Variants in BCOR observed in about 807,000 individuals in gnomAD.
BCOR encodes BCL6 corepressor, also known as BCL-6 corepressor.
Under a neutral mutation model 86.7 loss-of-function variants are expected in BCOR, and 10 were observed. That is an observed-to-expected ratio of 0.12 (90% CI 0.07 to 0.20). The LOEUF is 0.20. BCOR is among the 10% of genes least tolerant of loss of function. The pLI is 1.00. For synonymous variants in BCOR, 611 were observed against 609.0 expected, an observed-to-expected ratio of 1.00 and a Z score of -0.05; for missense variants, 1,259 against 1,452.1, an observed-to-expected ratio of 0.87 and a Z score of 2.16.
At chrX:40,175,515 C>G in intron 1 of BCOR, among the ~76,000 whole-genome samples, 1 of 113,596 alleles carries the variant, frequency 8.8e-6, no homozygotes, top group Non-Finnish European at 1.9e-5. Context: ...CACCCCGATT[C>G]TGTGCACGTA....
chrX:40,078,083 G>A, intron 1 of BCOR, 114 bp from the exon 2 acceptor site: 2 of 509,534 alleles, frequency 3.9e-6, no homozygotes, highest in South Asian at 2.7e-5. Context: ...GGGGAAGGCA[G>A]GCTGTGCCTG....
chrX:40,151,058 C>T (rs1242545720), intron 1 of BCOR, among the ~76,000 whole-genome samples: 1 of 111,514 alleles, frequency 9.0e-6, no homozygotes, highest in Non-Finnish European at 1.9e-5. Context: ...GACCAAGGCC[C>T]AGGAGGGCCT....
chrX:40,149,277 C>T (rs190263456), intron 1 of BCOR, among the ~76,000 whole-genome samples: 38 of 111,354 alleles, frequency 3.4e-4, no homozygotes, highest in Non-Finnish European at 5.8e-4. Context: ...GTCTCAGGCA[C>T]GGCTGGTGAT....
intron 12 of BCOR, 100 bp from the exon 13 acceptor site, chrX:40,054,433 G>A (rs1218174994): frequency 6.5e-6 from 4 of 611,638 alleles, no homozygotes; most frequent in Non-Finnish European, 1.1e-5. Flanking sequence ...TTCATGACAG[G>A]CTGGAAGGTC....
intron 1 of BCOR, among the ~76,000 whole-genome samples, chrX:40,135,727 G>A (rs1489978036): frequency 4.5e-5 from 5 of 111,366 alleles, no homozygotes; most frequent in African/African-American, 6.5e-5. Context: ...TGGGATGGCC[G>A]GTGGCCCATC....
At chrX:40,161,295 C>G (rs1938415267) in intron 1 of BCOR, among the ~76,000 whole-genome samples, 1 of 107,747 alleles carries the variant, frequency 9.3e-6, no homozygotes, top group South Asian at 4.1e-4. Context: ...CAACCTCCGC[C>G]TGCCAGGTTC....
intron 1 of BCOR, among the ~76,000 whole-genome samples, chrX:40,144,341 C>T (rs1937992835): frequency 8.9e-6 from 1 of 111,910 alleles, no homozygotes; most frequent in Non-Finnish European, 1.9e-5. Context: ...ATCTGCTTCA[C>T]TGGGTGGCTG....
At chrX:40,125,390 C>T (rs1401870922) in intron 1 of BCOR, among the ~76,000 whole-genome samples, 3 of 111,543 alleles carry the variant, frequency 2.7e-5, no homozygotes, top group East Asian at 2.8e-4. Context: ...CACACCACCA[C>T]GCCTGGCTAA....
chrX:40,139,619 A>G (rs1206951057), intron 1 of BCOR, among the ~76,000 whole-genome samples: 6 of 96,230 alleles, frequency 6.2e-5, no homozygotes, highest in Non-Finnish European at 1.0e-4. Flanking sequence ...AGACCATCCT[A>G]GCTAACACGG....
intron 1 of BCOR, among the ~76,000 whole-genome samples, chrX:40,086,445 C>T (rs958202150): frequency 7.1e-5 from 8 of 113,348 alleles, no homozygotes; most frequent in African/African-American, 1.9e-4. Context: ...CTCACGGCCC[C>T]GTGGGCCTTC....
chrX:40,051,522 G>A lies in BCOR; in HGVS notation c.*587C>T, dbSNP rs190600608. The stretch of plus-strand genomic sequence containing the variant: ...ACATATAAACAATCCGGTTTGATGC[G>A]TGAAAACTAATTTCACAGCTTTTAA... On this transcript the variant is annotated 3_prime_UTR_variant, in exon 15 of 15. Coordinates refer to ENST00000378444, the MANE Select transcript of BCOR (RefSeq NM_001123385.2). The A allele has an allele frequency of 8.7e-5, 15 of 172,601 alleles. No individual in the cohort carries two copies. Among genetic ancestry groups the A allele is most frequent in the Non-Finnish European group, 1.3e-4 (12 of 90,250 alleles). The allele number at this position is 172,601 out of a possible 1,213,427, so 14.2% of individuals were successfully genotyped here. A position where few individuals can be genotyped will look rare whatever the true frequency, so the allele number is the denominator to read the frequency against.
At position 40,053,703 on chromosome X, in the gene BCOR, C is replaced by T. The variant is rs1934440168; in HGVS notation, c.4976+183G>A. On this transcript the variant is annotated intron_variant, in intron 14 of 14. Coordinates refer to ENST00000378444, the MANE Select transcript of BCOR (RefSeq NM_001123385.2). ...CCATGCTGTGCCCCACCCCCCACCACACTGGGTGTAAGGAAGCTGATGTGT... is the reference window on the plus strand; with the variant it reads ...CCATGCTGTGCCCCACCCCCCACCATACTGGGTGTAAGGAAGCTGATGTGT... 8 of 515,415 alleles carry T rather than the reference C, an allele frequency of 1.6e-5. No homozygotes were observed. The Admixed American group carries it at 2.3e-4, about 15-fold the overall frequency. 42.5% of individuals were successfully genotyped at this position (515,415 alleles called of 1,213,427 possible).
chrX:40,107,108 A>T (rs892564616), intron 1 of BCOR, among the ~76,000 whole-genome samples: 3 of 112,430 alleles, frequency 2.7e-5, no homozygotes, highest in African/African-American at 9.7e-5. Flanking sequence ...GGGAAGAGAA[A>T]GTGTTTCTTT....
rs937900504 is a variant in BCOR, at chrX:40,083,733, C to T, written c.-40-5764G>A. On this transcript the variant is annotated intron_variant, in intron 1 of 14. Transcript: ENST00000378444. ...CCGCTCCTCGGCGGAGGTCCCAGCG[C>T]GCGGGGCCGCACCACGGCACACACT... Among the ~76,000 whole-genome samples the T allele has an allele frequency of 9.8e-5, 11 of 112,363 alleles. No individual in the cohort carries two copies. The South Asian group carries it at 1.1e-3, about 11-fold the overall frequency.
chrX:40,073,887 G>A lies in BCOR; in HGVS notation c.1459C>T (p.Leu487=). 1 of 1,212,321 alleles carries A rather than the reference G, an allele frequency of 8.2e-7. No homozygotes were observed. Among genetic ancestry groups the A allele is most frequent in the African/African-American group, 1.7e-5 (1 of 57,978 alleles). ...GCACAACCATTTCCTGGAGGAGATAGTGTTTCTTTCGGAATCTCACTTCCG... is the reference window on the plus strand; with the variant it reads ...GCACAACCATTTCCTGGAGGAGATAATGTTTCTTTCGGAATCTCACTTCCG... ...LSGSEIPKET[L]SPPGNGCAIY... is the part of the protein sequence containing the mutation. Residue 487 remains leucine (L), a synonymous_variant, in exon 4 of 15, where the codon CTA becomes TTA. Transcript: ENST00000378444.
chrX:40,064,734 C>A, intron 6 of BCOR, 135 bp from the exon 7 acceptor site: 1 of 700,536 alleles, frequency 1.4e-6, no homozygotes. Flanking sequence ...GACTGGGGTC[C>A]TCACACATGG....
At chrX:40,151,361 G>T (rs7876640) in intron 1 of BCOR, among the ~76,000 whole-genome samples, 15,976 of 112,293 alleles carry the variant, frequency 0.14, 1,345 homozygotes, top group African/African-American at 0.32. Context: ...GGAATGAACA[G>T]AAGTCGCCAG....
intron 1 of BCOR, among the ~76,000 whole-genome samples, chrX:40,125,672 T>G (rs1182786277): frequency 1.8e-5 from 2 of 112,312 alleles, no homozygotes; most frequent in African/African-American, 3.2e-5. Context: ...GCAGAGACAA[T>G]CCATCCCTGC....
At chrX:40,068,338 T>A (rs770818175) in intron 6 of BCOR, among the ~76,000 whole-genome samples, 5 of 112,181 alleles carry the variant, frequency 4.5e-5, no homozygotes, top group Non-Finnish European at 9.4e-5. Context: ...CCAACCATGT[T>A]ATAACTTCTA....
Sources: allele counts gnomAD v4.1 joint callset (sites outside exome capture counted in the v4.1 genomes callset), GRCh38; gene constraint gnomAD v4.1.1; transcripts MANE v1.5; gene names NCBI Gene and HGNC (gene_info 2026-07-23, HGNC 2026-07-21).